The following MILR1 variants were observed in gnomAD, a reference collection of about 807,000 sequenced individuals.
MILR1 encodes the protein allergin-1.
MILR1 carries 31 observed loss-of-function variants against 18.5 expected under a neutral mutation model. That is an observed-to-expected ratio of 1.68 (90% confidence interval 1.26 to 2.26). The LOEUF (loss-of-function observed/expected upper bound fraction) is 2.26, where lower values mean the gene tolerates loss of function less well. Ranked by LOEUF, MILR1 falls within the 30% of genes most tolerant of loss-of-function variation. The probability of loss-of-function intolerance (pLI) is 0.00; values close to 1 mark genes in which losing one functional copy is unlikely to be tolerated. For missense variants in MILR1, 257 were observed against 157.4 expected, an observed-to-expected ratio of 1.63 and a Z score of -3.38; for synonymous variants, 85 against 56.2, an observed-to-expected ratio of 1.51 and a Z score of -2.30.
intron 3 of MILR1, among the ~76,000 whole-genome samples, chr17:64,456,724 C>CAGGAGGATCACTTGAGT (rs2037309386): frequency 6.6e-6 from 1 of 151,952 alleles, no homozygotes; most frequent in Non-Finnish European, 1.5e-5. Flanking sequence ...ATCACTTGAG[C>CAGGAGGATCACTTGAGT]CTGGGAGTTT....
intron 4 of MILR1, among the ~76,000 whole-genome samples, chr17:64,458,543 C>T (rs1402500647): frequency 6.6e-6 from 1 of 151,622 alleles, no homozygotes; most frequent in African/African-American, 2.4e-5. Context: ...ACCATGCCCT[C>T]CTGCTTGGCT....
At chr17:64,466,398 A>G (rs782704881) in intron 6 of MILR1, 44 bp from the exon 7 acceptor site, 1 of 1,577,702 alleles carries the variant, frequency 6.3e-7, no homozygotes, top group Non-Finnish European at 8.7e-7. Context: ...CTTTTCTAAC[A>G]CAAACGCCAC....
At chr17:64,497,016 C>G in the MILR1 span, 180 of 1,537,968 alleles carry the variant, frequency 1.2e-4, no homozygotes, top group Non-Finnish European at 1.5e-4. Flanking sequence ...CAACGGATCC[C>G]AACAAGCCAC....
chr17:64,485,620 T>G, the MILR1 span: 1 of 941,940 alleles, frequency 1.1e-6, no homozygotes, highest in Admixed American at 1.8e-5. Context: ...CTACATGCAC[T>G]AAATTTATTA....
chr17:64,486,656 G>A, the MILR1 span, among the ~76,000 whole-genome samples: 3 of 151,940 alleles, frequency 2.0e-5, no homozygotes, highest in African/African-American at 7.3e-5. Flanking sequence ...GAGCCACTGC[G>A]CCCTACCTCG....
In MILR1 at chr17:64,449,230, C is replaced by A; in HGVS notation, c.55+7C>A. Reference sequence around the variant, plus strand: ...ATATTTTCTTCTGTCACTTGTAAGCCCCCCTTATCATTCTGAGGCTCGAAC... The same window carrying A: ...ATATTTTCTTCTGTCACTTGTAAGCACCCCTTATCATTCTGAGGCTCGAAC... On this transcript the variant is annotated splice_region_variant and intron_variant, in intron 1 of 9. Coordinates refer to ENST00000619286, the MANE Select transcript of MILR1 (RefSeq NM_001085423.2). The A allele has an allele frequency of 2.1e-6, 1 of 473,594 alleles. No individual in the cohort carries two copies. The highest frequency in any genetic ancestry group is 3.9e-6 in the Non-Finnish European group (1 of 258,296). 29.3% of individuals were successfully genotyped at this position (473,594 alleles called of 1,614,324 possible).
chr17:64,476,917 C>T, the MILR1 span, among the ~76,000 whole-genome samples: 1 of 151,966 alleles, frequency 6.6e-6, no homozygotes, highest in East Asian at 1.9e-4. Context: ...ATTTTACAGG[C>T]ACTATCAGTT....
At chr17:64,497,147 G>T in the MILR1 span, 1 of 682,284 alleles carries the variant, frequency 1.5e-6, no homozygotes, top group Non-Finnish European at 2.6e-6. Context: ...GCCGTCCCCC[G>T]CCCACCATGG....
At chr17:64,467,895 A>G (rs2037613094) in intron 9 of MILR1, 1 of 314,014 alleles carries the variant, frequency 3.2e-6, no homozygotes, top group South Asian at 2.9e-5. Flanking sequence ...AGATCGTGCC[A>G]CTGCACTACA....
the MILR1 span, among the ~76,000 whole-genome samples, chr17:64,490,257 A>T: frequency 2.0e-5 from 3 of 152,194 alleles, no homozygotes; most frequent in Non-Finnish European, 4.4e-5. Context: ...TATTAGCTTT[A>T]CACTGGAGAA....
intron 5 of MILR1, among the ~76,000 whole-genome samples, chr17:64,464,648 T>A (rs868907308): frequency 1.0e-3 from 158 of 152,300 alleles, no homozygotes; most frequent in African/African-American, 3.7e-3. Context: ...ACAATAGAAT[T>A]CAGTGAGGCT....
chr17:64,478,119 A>G, the MILR1 span: 2 of 826,616 alleles, frequency 2.4e-6, no homozygotes, highest in African/African-American at 1.7e-5. Flanking sequence ...GTGGACCAAA[A>G]AAACCCAACA....
At chr17:64,454,341 C>T (rs1314117852) in intron 3 of MILR1, among the ~76,000 whole-genome samples, 1 of 152,224 alleles carries the variant, frequency 6.6e-6, no homozygotes, top group Non-Finnish European at 1.5e-5. Context: ...ATCCTCCCAC[C>T]TCAGCATCCT....
At chr17:64,489,345 G>A in the MILR1 span, among the ~76,000 whole-genome samples, 1 of 140,444 alleles carries the variant, frequency 7.1e-6, no homozygotes, top group Non-Finnish European at 1.5e-5. Context: ...AAGGAATGAT[G>A]GAATTTGTTT....
the MILR1 span, among the ~76,000 whole-genome samples, chr17:64,474,233 C>T: frequency 6.6e-6 from 1 of 151,992 alleles, no homozygotes; most frequent in African/African-American, 2.4e-5. Flanking sequence ...TGCCACCATG[C>T]CCAGTTAATT....
the MILR1 span, chr17:64,481,463 G>A: frequency 1.0e-6 from 1 of 965,680 alleles, no homozygotes; most frequent in East Asian, 1.1e-4. Context: ...CGAAATGAAA[G>A]CCATCCCCCA....
intron 2 of MILR1, 113 bp downstream of exon 2, chr17:64,449,468 C>T: frequency 2.4e-6 from 1 of 411,852 alleles, no homozygotes; most frequent in Admixed American, 4.4e-5. Context: ...TATGAACAAC[C>T]AAAGAACAGT....
At chr17:64,493,039 A>G in the MILR1 span, 1 of 1,613,866 alleles carries the variant, frequency 6.2e-7, no homozygotes, top group South Asian at 1.1e-5. Context: ...AAGATAAATC[A>G]ATCATTGTAT....
At chr17:64,488,567 G>A in the MILR1 span, among the ~76,000 whole-genome samples, 3 of 152,054 alleles carry the variant, frequency 2.0e-5, no homozygotes, top group African/African-American at 7.2e-5. Context: ...AACAAAATAA[G>A]ACACTAATAG....
Sources: allele counts gnomAD v4.1 joint callset (sites outside exome capture counted in the v4.1 genomes callset), GRCh38; gene constraint gnomAD v4.1.1; transcripts MANE v1.5; gene names NCBI Gene and HGNC (gene_info 2026-07-23, HGNC 2026-07-21).